PARD3: variants seen among roughly 807,000 people sequenced by gnomAD.
PARD3 encodes the protein par-3 family cell polarity regulator, also known as partitioning defective 3 homolog.
Under a neutral mutation model 155.4 loss-of-function variants are expected in PARD3, and 75 were observed. The observed-to-expected ratio is 0.48, with a 90% CI of 0.40 to 0.58. The LOEUF (loss-of-function observed/expected upper bound fraction) is 0.58, where lower values mean the gene tolerates loss of function less well. Among genes scored for constraint, PARD3 ranks in the 20% least tolerant of loss-of-function variants. The pLI, the probability that PARD3 is intolerant of heterozygous loss-of-function variation, is 0.00. For missense variants in PARD3, 1,642 were observed against 1,721.7 expected, an observed-to-expected ratio of 0.95 and a Z score of 0.82; for synonymous variants, 576 against 610.5, an observed-to-expected ratio of 0.94 and a Z score of 0.83.
intron 2 of PARD3, among the ~76,000 whole-genome samples, chr10:34,627,896 G>A (rs1324121896): frequency 6.6e-6 from 1 of 152,172 alleles, no homozygotes; most frequent in East Asian, 1.9e-4. Flanking sequence ...ATGATGGGCA[G>A]AGGTGGGTAC....
At chr10:34,360,048 C>T (rs778779491) in intron 13 of PARD3, 23 bp downstream of exon 13, 28 of 1,587,744 alleles carry the variant, frequency 1.8e-5, no homozygotes, top group Middle Eastern at 3.3e-4. Context: ...AATAGGCATA[C>T]GCATGATAAA....
chr10:34,123,028 C>A (rs1427109942), intron 23 of PARD3, among the ~76,000 whole-genome samples: 1 of 152,206 alleles, frequency 6.6e-6, no homozygotes, highest in Non-Finnish European at 1.5e-5. Flanking sequence ...CCTGCGCAGG[C>A]ATAACTGTAA....
In PARD3 at chr10:34,636,035, A is replaced by C. The variant is rs538947996; in HGVS notation, c.222+60283T>G. 5.6e-4 allele frequency among the ~76,000 whole-genome samples: 85 copies of C among 152,146 alleles called. 1 individual carries two copies. The highest frequency in any genetic ancestry group is 1.3e-3 in the African/African-American group (56 of 41,506). ...TTCTTCTATTAAAAAAAAAAGAAGA[A>C]GAAGAAAGAAAGAAAGAAGAAAGGA... On this transcript the variant is annotated intron_variant, in intron 2 of 24. Coordinates refer to ENST00000374788, the MANE Select transcript of PARD3 (RefSeq NM_001184785.2).
chr10:34,779,569 C>T (rs1564612061), intron 1 of PARD3, among the ~76,000 whole-genome samples: 1 of 152,004 alleles, frequency 6.6e-6, no homozygotes, highest in African/African-American at 2.4e-5. Context: ...TGCAGTGGGC[C>T]GAGATCACGC....
At chr10:34,513,570 C>T (rs2081531570) in intron 3 of PARD3, among the ~76,000 whole-genome samples, 4 of 152,116 alleles carry the variant, frequency 2.6e-5, no homozygotes, top group South Asian at 2.1e-4. Context: ...TGTGAGCCAC[C>T]GCACCCAGCC....
At chr10:34,260,088 T>C (rs1954878311) in intron 22 of PARD3, among the ~76,000 whole-genome samples, 2 of 151,850 alleles carry the variant, frequency 1.3e-5, no homozygotes, top group African/African-American at 2.4e-5. Flanking sequence ...AATCCTCCTA[T>C]GTCAGCCTTC....
chr10:34,626,711 C>T (rs1320263341), intron 2 of PARD3, among the ~76,000 whole-genome samples: 1 of 152,136 alleles, frequency 6.6e-6, no homozygotes, highest in Admixed American at 6.5e-5. Context: ...ACAAAACACA[C>T]AAGAAGAACA....
intron 2 of PARD3, among the ~76,000 whole-genome samples, chr10:34,654,985 C>T (rs1350884703): frequency 6.6e-6 from 1 of 151,996 alleles, no homozygotes; most frequent in East Asian, 1.9e-4. Flanking sequence ...ACGGACGTGC[C>T]CAGGACAAAT....
intron 22 of PARD3, among the ~76,000 whole-genome samples, chr10:34,236,499 A>G (rs1347917344): frequency 1.3e-5 from 2 of 152,228 alleles, no homozygotes; most frequent in African/African-American, 4.8e-5. Flanking sequence ...AATAACTAAA[A>G]GCTTTAATTA....
chr10:34,157,975 C>T lies in PARD3; in HGVS notation c.3420-26392G>A, dbSNP rs140172362. Among the ~76,000 whole-genome samples the T allele has an allele frequency of 6.3e-3, 959 of 152,284 alleles. 2 individuals are homozygous for T. The highest frequency in any genetic ancestry group is 0.011 in the Non-Finnish European group (754 of 68,020). On this transcript the variant is annotated intron_variant, in intron 22 of 24. Transcript: ENST00000374788. ...AGCACAAATGTACATAAATATAAAA[C>T]TGCAACAGATTATGAAATAAAACCA...
chr10:34,452,086 T>TA (rs2077093191), intron 4 of PARD3, among the ~76,000 whole-genome samples: 1 of 152,072 alleles, frequency 6.6e-6, no homozygotes, highest in Admixed American at 6.6e-5. Context: ...AAGGAGGAAT[T>TA]AAAGTACACT....
chr10:34,589,087 G>T (rs1477511776), intron 2 of PARD3, among the ~76,000 whole-genome samples: 1 of 152,146 alleles, frequency 6.6e-6, no homozygotes, highest in East Asian at 1.9e-4. Flanking sequence ...GAGAGAGAGA[G>T]ACATAGAAGA....
chr10:34,242,551 T>C (rs1341891286), intron 22 of PARD3, among the ~76,000 whole-genome samples: 1 of 152,166 alleles, frequency 6.6e-6, no homozygotes, highest in Non-Finnish European at 1.5e-5. Flanking sequence ...AAATATATGA[T>C]TCTAAAGGTT....
intron 1 of PARD3, among the ~76,000 whole-genome samples, chr10:34,743,622 C>A (rs2095056737): frequency 6.6e-6 from 1 of 152,226 alleles, no homozygotes; most frequent in South Asian, 2.1e-4. Context: ...ATCTAAAAAT[C>A]TGCTTTCTCG....
chr10:34,600,206 C>T (rs924130616), intron 2 of PARD3, among the ~76,000 whole-genome samples: 5 of 148,718 alleles, frequency 3.4e-5, no homozygotes, highest in South Asian at 2.1e-4. Flanking sequence ...ATTAACCAAA[C>T]GTGGTGTCAC....
chr10:34,388,570 G>C (rs900794772), intron 7 of PARD3, among the ~76,000 whole-genome samples: 1 of 152,170 alleles, frequency 6.6e-6, no homozygotes, highest in Admixed American at 6.5e-5. Context: ...AACTCAACTA[G>C]AAATCAGAAT....
chr10:34,729,216 T>G (rs1273482028), intron 1 of PARD3, among the ~76,000 whole-genome samples: 1 of 152,212 alleles, frequency 6.6e-6, no homozygotes, highest in African/African-American at 2.4e-5. Flanking sequence ...AAATGCTGAA[T>G]GCAGCCTACG....
rs535248865 is a variant in PARD3 at position 34,277,031 on chromosome 10, C to A, written c.3176+7104G>T. On this transcript the variant is annotated intron_variant, in intron 21 of 24. Transcript: ENST00000374788. ...CTATCTTCAAAACAATGTTCAGGATCTTGCAATCAACTCTTTTGGGAAACA... is the reference window on the plus strand; with the variant it reads ...CTATCTTCAAAACAATGTTCAGGATATTGCAATCAACTCTTTTGGGAAACA... Among the ~76,000 whole-genome samples the A allele has an allele frequency of 7.9e-4, 121 of 152,238 alleles. 1 individual carries two copies. The highest frequency in any genetic ancestry group is 2.7e-3 in the African/African-American group (113 of 41,550).
chr10:34,153,752 T>A (rs968051446), intron 22 of PARD3, among the ~76,000 whole-genome samples: 3 of 152,214 alleles, frequency 2.0e-5, no homozygotes, highest in Non-Finnish European at 2.9e-5. Flanking sequence ...AACACCAAAG[T>A]GAACCTCTTT....
Sources: allele counts gnomAD v4.1 joint callset (sites outside exome capture counted in the v4.1 genomes callset), GRCh38; gene constraint gnomAD v4.1.1; transcripts MANE v1.5; gene names NCBI Gene and HGNC (gene_info 2026-07-23, HGNC 2026-07-21).